Variants in SCLY observed in about 807,000 individuals in gnomAD.
The protein encoded by SCLY is selenocysteine lyase, also known as putative selenocysteine lyase.
SCLY carries 38 observed loss-of-function variants against 50.1 expected under a neutral mutation model. That is an observed-to-expected ratio of 0.76 (90% CI 0.59 to 0.99). SCLY has a LOEUF of 0.99. Among genes scored for constraint, SCLY ranks in the 50% least tolerant of loss-of-function variants. The pLI, the probability that SCLY is intolerant of heterozygous loss-of-function variation, is 0.00. For missense variants in SCLY, 600 were observed against 620.0 expected (o/e 0.97, Z 0.34); for synonymous variants, 243 against 249.4 (o/e 0.97, Z 0.24).
intron 4 of SCLY, chr2:238,079,601 T>G (rs1000688461): frequency 1.3e-5 from 2 of 152,218 alleles, no homozygotes; most frequent in Non-Finnish European, 2.9e-5. Context: ...TACATGTTAT[T>G]TTATACAGTT....
chr2:238,068,086 T>C lies in SCLY; in HGVS notation c.224T>C (p.Ile75Thr). ...CAAGGAAGAAAGGCCAAGGATATTA[T>C]AAATGCAGCTCGGGAAAGCCTCGCG... is the stretch of plus-strand genomic sequence containing the variant. ...YSAGRKAKDI[I>T]NAARESLAKM... The change falls in exon 3 of 12, where the codon ATA becomes ACA. Residue 75 changes from isoleucine (I) to threonine (T), a missense_variant. Physicochemically the swap from Ile to Thr is moderately conservative, Grantham distance 89. Transcript: ENST00000254663. 2 of 1,612,776 alleles carry C rather than the reference T, an allele frequency of 1.2e-6. No homozygotes were observed. Among genetic ancestry groups the C allele is most frequent in the Non-Finnish European group, 1.7e-6 (2 of 1,179,562 alleles).
Position 238,095,908 on chromosome 2 carries a change from CT to C in SCLY, c.1109-877del, listed in dbSNP as rs35898194. ...GGCATGCACCACCACACCTGGATAACTTTTTTTTTTTTTTTTGAGATGGAGT... is the reference window on the plus strand; with the variant it reads ...GGCATGCACCACCACACCTGGATAACTTTTTTTTTTTTTTTGAGATGGAGT... On this transcript the variant is annotated intron_variant, in intron 10 of 11. Coordinates refer to ENST00000254663, the MANE Select transcript of SCLY (RefSeq NM_016510.7). 4.2e-3 allele frequency: 588 copies of C among 140,054 alleles called. 2 individuals carry two copies. Among genetic ancestry groups the C allele is most frequent in the African/African-American group, 8.0e-3 (303 of 37,794 alleles). The allele number at this position is 140,054 out of a possible 1,614,324, so 8.7% of individuals were successfully genotyped here.
rs1691327496 is a variant in SCLY, at chr2:238,098,619, G to GAACCGCCCACATGGGAACGCCCACATA, written c.*264_*265insAACCGCCCACATGGGAACGCCCACATA. The stretch of plus-strand genomic sequence containing the variant: ...ACCGCCCACATAGGACCGCCCACAT[G>GAACCGCCCACATGGGAACGCCCACATA]GGACCGCCCACATGGGACCGCCCAC... On this transcript the variant is annotated 3_prime_UTR_variant, in exon 12 of 12. Transcript: ENST00000254663. 209 of 208,662 alleles carry GAACCGCCCACATGGGAACGCCCACATA rather than the reference G, an allele frequency of 1.0e-3. 6 individuals carry two copies. Among genetic ancestry groups the GAACCGCCCACATGGGAACGCCCACATA allele is most frequent in the African/African-American group, 3.0e-3 (70 of 23,262 alleles). The allele number at this position is 208,662 out of a possible 1,614,324, so 12.9% of individuals were successfully genotyped here.
intron 10 of SCLY, chr2:238,096,308 C>G (rs1382979714): frequency 1.5e-5 from 3 of 195,120 alleles, no homozygotes; most frequent in African/African-American, 7.2e-5. Flanking sequence ...ACCTTGGCCT[C>G]CCAAAGTGCT....
intron 10 of SCLY, chr2:238,095,666 C>T (rs551408029): frequency 2.0e-5 from 3 of 152,178 alleles, no homozygotes; most frequent in Non-Finnish European, 4.4e-5. Context: ...TGTCAACGTT[C>T]CCCTTGTTCT....
intron 7 of SCLY, among the ~76,000 whole-genome samples, chr2:238,086,411 G>A (rs977349416): frequency 6.6e-6 from 1 of 152,174 alleles, no homozygotes; most frequent in Admixed American, 6.5e-5. Flanking sequence ...ACTGGAACTG[G>A]CAAAGTGACA....
chr2:238,069,617 TGAG>T lies in SCLY; in HGVS notation c.484+145_484+147del, dbSNP rs2065108536. 8 of 783,118 alleles carry T rather than the reference TGAG, an allele frequency of 1.0e-5. No homozygotes were observed. The South Asian group carries it at 1.4e-4, about 14-fold the overall frequency. 48.5% of individuals were successfully genotyped at this position (783,118 alleles called of 1,614,324 possible). On this transcript the variant is annotated intron_variant, in intron 4 of 11. Transcript: ENST00000254663. This position sits in a 1 kb window ranked among gnomAD's most constrained non-coding sequence, Gnocchi z 5.0. ...ACTCACTGTAACTCACTGGTTCTGA[TGAG>T]GAGGCAGGCCCTGGCACCTTGGTGA...
intron 7 of SCLY, among the ~76,000 whole-genome samples, chr2:238,086,644 T>C (rs936718195): frequency 2.1e-5 from 3 of 144,472 alleles, no homozygotes; most frequent in Non-Finnish European, 4.5e-5. Context: ...AGTTCGAGGC[T>C]GCAGTGAGCT....
In SCLY at chr2:238,067,023, C is replaced by T. The variant is rs555574790; in HGVS notation, c.203-1042C>T. ...CTGCCGCCATGATTCAGTTACCTCC[C>T]ACCGGGTCCCTCTGATGACGTGGGA... On this transcript the variant is annotated intron_variant, in intron 2 of 11. Coordinates refer to ENST00000254663, the MANE Select transcript of SCLY (RefSeq NM_016510.7). This position sits in a 1 kb window ranked among gnomAD's most constrained non-coding sequence, Gnocchi z 4.3. Among the ~76,000 whole-genome samples, 1 of 152,276 alleles carries T rather than the reference C, an allele frequency of 6.6e-6. No homozygotes were observed. The highest frequency in any genetic ancestry group is 6.5e-5 in the Admixed American group (1 of 15,294).
chr2:238,093,100 C>T (rs2065384919), intron 8 of SCLY: 1 of 152,766 alleles, frequency 6.5e-6, no homozygotes, highest in Non-Finnish European at 1.5e-5. Context: ...CCCTCCTTGT[C>T]ATCGTCCCCT....
intron 8 of SCLY, chr2:238,091,520 C>A: frequency 2.2e-6 from 1 of 447,180 alleles, no homozygotes; most frequent in South Asian, 2.6e-5. Context: ...ACTGTTACAG[C>A]AGAGGTGAAG....
intron 10 of SCLY, chr2:238,095,899 C>G (rs1447865680): frequency 2.7e-5 from 4 of 148,842 alleles, no homozygotes; most frequent in South Asian, 4.4e-4. Flanking sequence ...CACCACCACA[C>G]CTGGATAACT....
intron 2 of SCLY, among the ~76,000 whole-genome samples, chr2:238,065,852 T>C (rs1007743188): frequency 6.6e-6 from 1 of 151,908 alleles, no homozygotes; most frequent in Non-Finnish European, 1.5e-5. Context: ...TTTTTGTATT[T>C]TTAGTAGAGA....
rs1483945537 is a variant in SCLY at position 238,061,002 on chromosome 2, C to T, written c.-53C>T. 1.2e-5 allele frequency: 15 copies of T among 1,296,836 alleles called. No individual in the cohort carries two copies. The highest frequency in any genetic ancestry group is 4.7e-5 in the African/African-American group (3 of 63,742). The allele number at this position is 1,296,836 out of a possible 1,614,324, so 80.3% of individuals were successfully genotyped here. A position where few individuals can be genotyped will look rare whatever the true frequency, so the allele number is the denominator to read the frequency against. Reference sequence around the variant, plus strand: ...CCCGCCTCCTCCCCGGCGCTCTGGGCCCGTAGCGCTCCGCGGGAAGGAGGC... The same window carrying T: ...CCCGCCTCCTCCCCGGCGCTCTGGGTCCGTAGCGCTCCGCGGGAAGGAGGC... On this transcript the variant is annotated 5_prime_UTR_variant, in exon 1 of 12. Transcript: ENST00000254663.
Position 238,098,527 on chromosome 2 carries a change from G to A in SCLY, c.*172G>A, listed in dbSNP as rs1691299340. ...CCCCAGTTTCCTTCCCTGGACCCCT[G>A]CAGAGCTCACAGGGCCCAGGACACC... On this transcript the variant is annotated 3_prime_UTR_variant, in exon 12 of 12. Coordinates refer to ENST00000254663, the MANE Select transcript of SCLY (RefSeq NM_016510.7). 2 of 742,760 alleles carry A rather than the reference G, an allele frequency of 2.7e-6. No homozygotes were observed. The highest frequency in any genetic ancestry group is 4.2e-6 in the Non-Finnish European group (2 of 476,336). The allele number at this position is 742,760 out of a possible 1,614,324, so 46.0% of individuals were successfully genotyped here. A position where few individuals can be genotyped will look rare whatever the true frequency, so the allele number is the denominator to read the frequency against.
chr2:238,071,947 C>A (rs997125533), intron 4 of SCLY, among the ~76,000 whole-genome samples: 1 of 151,974 alleles, frequency 6.6e-6, no homozygotes, highest in Non-Finnish European at 1.5e-5. Flanking sequence ...CCAGGTTGTG[C>A]AGCCATCACC....
chr2:238,069,205 A>G lies in SCLY; in HGVS notation c.304-92A>G. 8.5e-7 allele frequency: 1 copy of G among 1,175,768 alleles called. No individual in the cohort carries two copies. The highest frequency in any genetic ancestry group is 1.6e-5 in the South Asian group (1 of 64,106). The allele number at this position is 1,175,768 out of a possible 1,614,324, so 72.8% of individuals were successfully genotyped here. On this transcript the variant is annotated intron_variant, in intron 3 of 11. Coordinates refer to ENST00000254663, the MANE Select transcript of SCLY (RefSeq NM_016510.7). The surrounding 1 kb of genome is among the most constrained non-coding windows in gnomAD (Gnocchi z 5.0). ...ATTTCTTTGAAGCTTTTTTGATGTT[A>G]GCCACAAAAGAAATTAAGTAACAGA...
At chr2:238,085,754 G>A (rs957081157) in intron 7 of SCLY, among the ~76,000 whole-genome samples, 5 of 151,992 alleles carry the variant, frequency 3.3e-5, no homozygotes, top group African/African-American at 1.2e-4. Flanking sequence ...TTAAAATAGA[G>A]CTTCAGGGAC....
chr2:238,098,598 C>CCCACATGGGACCGCCCACATGGAACCGT lies in SCLY; in HGVS notation c.*249_*250insGGGACCGCCCACATGGAACCGTCCACAT, dbSNP rs1559254509. On this transcript the variant is annotated 3_prime_UTR_variant, in exon 12 of 12. Transcript: ENST00000254663. Reference sequence around the variant, plus strand: ...ACATGGGACCGCCCACATAGGACCGCCCACATAGGACCGCCCACATGGGAC... The same window carrying CCCACATGGGACCGCCCACATGGAACCGT: ...ACATGGGACCGCCCACATAGGACCGCCCACATGGGACCGCCCACATGGAACCGTCCACATAGGACCGCCCACATGGGAC... 1 of 386,384 alleles carries CCCACATGGGACCGCCCACATGGAACCGT rather than the reference C, an allele frequency of 2.6e-6. No individual in the cohort carries two copies. The highest frequency in any genetic ancestry group is 4.4e-6 in the Non-Finnish European group (1 of 227,554). 23.9% of individuals were successfully genotyped at this position (386,384 alleles called of 1,614,324 possible).
Sources: allele counts gnomAD v4.1 joint callset (sites outside exome capture counted in the v4.1 genomes callset), GRCh38; gene constraint gnomAD v4.1.1; non-coding constraint Gnocchi (gnomAD v3.1); transcripts MANE v1.5; gene names NCBI Gene and HGNC (gene_info 2026-07-23, HGNC 2026-07-21).